RPS6KB2: variants seen among roughly 807,000 people sequenced by gnomAD.
RPS6KB2 encodes ribosomal protein S6 kinase B2.
RPS6KB2 carries 51 observed loss-of-function variants against 58.2 expected under a neutral mutation model. The observed-to-expected ratio is 0.88, with a 90% CI of 0.70 to 1.11. The LOEUF (loss-of-function observed/expected upper bound fraction) is 1.11. Among genes scored for constraint, RPS6KB2 ranks in the 50% least tolerant of loss-of-function variants. The probability of loss-of-function intolerance (pLI) is 0.00; values close to 1 mark genes in which losing one functional copy is unlikely to be tolerated. For synonymous variants in RPS6KB2, 293 were observed against 258.6 expected (o/e 1.13, Z -1.28); for missense variants, 671 against 655.8 (o/e 1.02, Z -0.25).
In RPS6KB2 at chr11:67,432,660, G is replaced by C. The variant is rs199895971; in HGVS notation, c.515+3G>C. On this transcript the variant is annotated splice_donor_region_variant and intron_variant, in intron 6 of 14. Coordinates refer to ENST00000312629, the MANE Select transcript of RPS6KB2 (RefSeq NM_003952.3). ...ATCTTCCTGGAAGATACGGCCTGGTGGGTGTTAATCCTCCGCTTTCCTGAG... is the reference window on the plus strand; with the variant it reads ...ATCTTCCTGGAAGATACGGCCTGGTCGGTGTTAATCCTCCGCTTTCCTGAG... 8 of 1,614,178 alleles carry C rather than the reference G, an allele frequency of 5.0e-6. No individual in the cohort carries two copies. The East Asian group carries it at 1.3e-4, about 27-fold the overall frequency.
rs535524303 is a variant in RPS6KB2 at position 67,435,359 on chromosome 11, C to T, written c.*190C>T. 1,215 of 628,748 alleles carry T rather than the reference C, an allele frequency of 1.9e-3. 12 individuals carry two copies. The African/African-American group carries it at 0.02, about 10-fold the overall frequency. The allele number at this position is 628,748 out of a possible 1,614,324, so 38.9% of individuals were successfully genotyped here. A position where few individuals can be genotyped will look rare whatever the true frequency, so the allele number is the denominator to read the frequency against. Reference sequence around the variant, plus strand: ...GCACGGAGGGCCGCCCGCCACGCCCCGCGCTCAACTGCTCCCGTGGAAGAT... The same window carrying T: ...GCACGGAGGGCCGCCCGCCACGCCCTGCGCTCAACTGCTCCCGTGGAAGAT... On this transcript the variant is annotated 3_prime_UTR_variant, in exon 15 of 15. Transcript: ENST00000312629.
rs762599500 is a variant in RPS6KB2 at position 67,433,159 on chromosome 11, C to G, written c.741C>G (p.Asn247Lys). 14 of 1,605,014 alleles carry G rather than the reference C, an allele frequency of 8.7e-6. No individual in the cohort carries two copies. Among genetic ancestry groups the G allele is most frequent in the Non-Finnish European group, 1.2e-5 (14 of 1,177,134 alleles). ...APEILVRSGH[N>K]RAVDWWSLGA... ...AGATTCTGGTGCGCAGTGGCCACAACCGGGCTGTGGACTGGTGGAGCCTGG... is the reference window on the plus strand; with the variant it reads ...AGATTCTGGTGCGCAGTGGCCACAAGCGGGCTGTGGACTGGTGGAGCCTGG... The change falls in exon 9 of 15, where the codon AAC becomes AAG. Residue 247 changes from asparagine (N) to lysine (K), a missense_variant. Transcript: ENST00000312629.
intron 14 of RPS6KB2, 111 bp from the exon 15 acceptor site, chr11:67,434,878 C>T: frequency 2.6e-6 from 3 of 1,150,714 alleles, no homozygotes; most frequent in South Asian, 1.4e-5. Flanking sequence ...GTTTGTGGAG[C>T]CCGCGGCCTG....
chr11:67,435,122 T>C lies in RPS6KB2; in HGVS notation c.1402T>C (p.Ser468Pro). ...TTAPLPIRPP[S>P]GTKKSKRGRG... Reference sequence around the variant, plus strand: ...CGCCCCTCTCCCCATCCGTCCCCCCTCAGGGACCAAGAAGTCCAAGAGGGG... The same window carrying C: ...CGCCCCTCTCCCCATCCGTCCCCCCCCAGGGACCAAGAAGTCCAAGAGGGG... Residue 468 changes from serine to proline, a missense_variant, in exon 15 of 15, where the codon TCA (serine) becomes CCA (proline). Coordinates refer to ENST00000312629, the MANE Select transcript of RPS6KB2 (RefSeq NM_003952.3). 6.2e-7 allele frequency: 1 copy of C among 1,603,380 alleles called. No individual in the cohort carries two copies. Among genetic ancestry groups the C allele is most frequent in the Non-Finnish European group, 8.5e-7 (1 of 1,177,920 alleles).
At chr11:67,428,905 C>A (rs1423192359) in intron 1 of RPS6KB2, 77 bp from the exon 2 acceptor site, 1 of 1,558,660 alleles carries the variant, frequency 6.4e-7, no homozygotes, top group Non-Finnish European at 8.9e-7. Context: ...CTCTCCTGGG[C>A]CACGCAGTCC....
rs1284055798 is a variant in RPS6KB2 at position 67,433,138 on chromosome 11, T to G, written c.720T>G (p.Ile240Met). Reference sequence around the variant, plus strand: ...ACCTGGACCCCAGGGCCCCTGAGATTCTGGTGCGCAGTGGCCACAACCGGG... The same window carrying G: ...ACCTGGACCCCAGGGCCCCTGAGATGCTGGTGCGCAGTGGCCACAACCGGG... ...CGTIEYMAPE[I>M]LVRSGHNRAV... The change falls in exon 9 of 15, where the codon ATT becomes ATG. Residue 240 changes from isoleucine to methionine, a missense_variant. Coordinates refer to ENST00000312629, the MANE Select transcript of RPS6KB2 (RefSeq NM_003952.3). The G allele has an allele frequency of 6.2e-7, 1 of 1,603,870 alleles. No homozygotes were observed. The highest frequency in any genetic ancestry group is 2.2e-5 in the East Asian group (1 of 44,530).
intron 5 of RPS6KB2, chr11:67,432,032 T>C: frequency 3.1e-6 from 1 of 325,208 alleles, no homozygotes; most frequent in Non-Finnish European, 6.0e-6. Flanking sequence ...AGCCCTTCTA[T>C]TCAGAGTCCT....
Position 67,432,782 on chromosome 11 carries a change from C to T in RPS6KB2, c.561C>T (p.Ser187=). 6.2e-7 allele frequency: 1 copy of T among 1,614,164 alleles called. No homozygotes were observed. The highest frequency in any genetic ancestry group is 2.2e-5 in the East Asian group (1 of 44,888). ...CGCTGGCCCTGGGCCATCTCCACTC[C>T]CAGGGCATCATCTACCGGGACCTCA... The part of the protein sequence containing the change: ...EITLALGHLH[S]QGIIYRDLKP... The change falls in exon 7 of 15, where the codon TCC becomes TCT. Residue 187 remains serine, a synonymous_variant. Coordinates refer to ENST00000312629, the MANE Select transcript of RPS6KB2 (RefSeq NM_003952.3).
At chr11:67,434,827 T>C in intron 14 of RPS6KB2, 133 bp downstream of exon 14, 1 of 985,738 alleles carries the variant, frequency 1.0e-6, no homozygotes, top group Non-Finnish European at 1.5e-6. Context: ...CATGGGGACC[T>C]CAGTTCCTAC....
In RPS6KB2 at chr11:67,431,505, G is replaced by A; in HGVS notation, c.447G>A (p.Glu149=). ...GTGGCAAACTCTACCTCATCCTTGAGTGCCTCAGTGGTATGAGTGCGGGCC... is the reference window on the plus strand; with the variant it reads ...GTGGCAAACTCTACCTCATCCTTGAATGCCTCAGTGGTATGAGTGCGGGCC... ...QTGGKLYLIL[E]CLSGGELFTH... Residue 149 remains glutamate (E), a synonymous_variant, in exon 5 of 15, where the codon GAG becomes GAA. Transcript: ENST00000312629. 1 of 1,613,986 alleles carries A rather than the reference G, an allele frequency of 6.2e-7. No individual in the cohort carries two copies. Among genetic ancestry groups the A allele is most frequent in the Non-Finnish European group, 8.5e-7 (1 of 1,179,978 alleles).
At position 67,434,426 on chromosome 11, in the gene RPS6KB2, C is replaced by T. The variant is rs200633410; in HGVS notation, c.1097C>T (p.Thr366Met). The change falls in exon 13 of 15, where the codon ACG becomes ATG. Residue 366 changes from threonine to methionine, a missense_variant. Transcript: ENST00000312629. ...SQFDTRFTRQ[T>M]PVDSPDDTAL... is the part of the protein sequence containing the mutation. ...TTTGATACCCGCTTCACACGGCAGA[C>T]GCCGGTGGACAGTCCTGATGACACA... 57 of 1,612,978 alleles carry T rather than the reference C, an allele frequency of 3.5e-5. No individual in the cohort carries two copies. Among genetic ancestry groups the T allele is most frequent in the Admixed American group, 2.0e-4 (12 of 60,012 alleles).
chr11:67,431,964 C>G (rs933025057), intron 5 of RPS6KB2: 4 of 267,968 alleles, frequency 1.5e-5, no homozygotes, highest in African/African-American at 8.9e-5. Flanking sequence ...TCCCGCTCAC[C>G]TGCTTTCTAG....
In RPS6KB2 at chr11:67,435,271, G is replaced by A; in HGVS notation, c.*102G>A. On this transcript the variant is annotated 3_prime_UTR_variant, in exon 15 of 15. Coordinates refer to ENST00000312629, the MANE Select transcript of RPS6KB2 (RefSeq NM_003952.3). The stretch of plus-strand genomic sequence containing the variant: ...CCAGAGACCTGGGGGTGTGTCTGGG[G>A]GTGGGGTGTGAGTGCGTATGAAAGT... 1 of 1,106,602 alleles carries A rather than the reference G, an allele frequency of 9.0e-7. No individual in the cohort carries two copies. The highest frequency in any genetic ancestry group is 1.3e-6 in the Non-Finnish European group (1 of 798,594). 68.5% of individuals were successfully genotyped at this position (1,106,602 alleles called of 1,614,324 possible). A position where few individuals can be genotyped will look rare whatever the true frequency, so the allele number is the denominator to read the frequency against.
chr11:67,435,312 C>A lies in RPS6KB2; in HGVS notation c.*143C>A. ...GTATGAAAGTGTGTGTCTGCTGGGG[C>A]AGCTGTGCCCCTGAATCATGGGCAC... On this transcript the variant is annotated 3_prime_UTR_variant, in exon 15 of 15. Transcript: ENST00000312629. The A allele has an allele frequency of 1.2e-6, 1 of 814,346 alleles. No individual in the cohort carries two copies. The highest frequency in any genetic ancestry group is 1.9e-6 in the Non-Finnish European group (1 of 537,022). 50.4% of individuals were successfully genotyped at this position (814,346 alleles called of 1,614,324 possible). A position where few individuals can be genotyped will look rare whatever the true frequency, so the allele number is the denominator to read the frequency against.
chr11:67,434,652 G>A lies in RPS6KB2; in HGVS notation c.1226G>A (p.Arg409His), dbSNP rs569000234. Residue 409 changes from arginine to histidine, a missense_variant, in exon 14 of 15, where the codon CGC becomes CAC. By Grantham distance (29) the Arg-to-His change is conservative (BLOSUM62 0). Transcript: ENST00000312629. ...GGCTTCTCCTTCCAGCCCAAGCTGC[G>A]CTCACCCAGGCGCCTCAACAGTAGC... ...KEGFSFQPKL[R>H]SPRRLNSSPR... 1.6e-5 allele frequency: 25 copies of A among 1,610,470 alleles called. No homozygotes were observed. The Admixed American group carries it at 3.5e-4, about 23-fold the overall frequency.
Position 67,432,972 on chromosome 11 carries a change from T to C in RPS6KB2, c.637T>C (p.Phe213Leu), listed in dbSNP as rs1446954531. 1 of 1,613,362 alleles carries C rather than the reference T, an allele frequency of 6.2e-7. No homozygotes were observed. Among genetic ancestry groups the C allele is most frequent in the Non-Finnish European group, 8.5e-7 (1 of 1,180,022 alleles). Residue 213 changes from phenylalanine to leucine, a missense_variant, in exon 8 of 15, where the codon TTT (phenylalanine) becomes CTT (leucine). Transcript: ENST00000312629. ...SSQGHIKLTD[F>L]GLCKESIHEG... Reference sequence around the variant, plus strand: ...CTCAGGCCACATCAAACTGACCGACTTTGGACTCTGCAAGGAGTCTATCCA... The same window carrying C: ...CTCAGGCCACATCAAACTGACCGACCTTGGACTCTGCAAGGAGTCTATCCA...
In RPS6KB2 at chr11:67,434,574, C is replaced by G. The variant is rs778674533; in HGVS notation, c.1156-8C>G. 2 of 1,597,420 alleles carry G rather than the reference C, an allele frequency of 1.3e-6. No individual in the cohort carries two copies. Among genetic ancestry groups the G allele is most frequent in the African/African-American group, 2.7e-5 (2 of 74,598 alleles). Reference sequence around the variant, plus strand: ...TGAGTGTCGCATGGCCCTGCCTCCGCCCCCCAGGGCTTCACATACGTGGCG... The same window carrying G: ...TGAGTGTCGCATGGCCCTGCCTCCGGCCCCCAGGGCTTCACATACGTGGCG... On this transcript the variant is annotated splice_polypyrimidine_tract_variant and splice_region_variant and intron_variant, in intron 13 of 14. Coordinates refer to ENST00000312629, the MANE Select transcript of RPS6KB2 (RefSeq NM_003952.3).
At position 67,433,497 on chromosome 11, in the gene RPS6KB2, T is replaced by A. The variant is rs756802976; in HGVS notation, c.906+50T>A. 10 of 1,390,438 alleles carry A rather than the reference T, an allele frequency of 7.2e-6. No individual in the cohort carries two copies. In the East Asian group the frequency reaches 2.3e-4, roughly 32 times the overall value. The allele number at this position is 1,390,438 out of a possible 1,614,324, so 86.1% of individuals were successfully genotyped here. ...GGGGCCCTGCCAGCCATTCTGCACG[T>A]GTTCCTGAGTCTCTCTGGGCTGTGG... On this transcript the variant is annotated intron_variant, in intron 10 of 14. Coordinates refer to ENST00000312629, the MANE Select transcript of RPS6KB2 (RefSeq NM_003952.3).
Position 67,434,227 on chromosome 11 carries a change from G to A in RPS6KB2, c.999G>A (p.Trp333Ter), listed in dbSNP as rs756322035. The A allele has an allele frequency of 1.9e-6, 3 of 1,613,994 alleles. No individual in the cohort carries two copies. Among genetic ancestry groups the A allele is most frequent in the South Asian group, 1.1e-5 (1 of 91,088 alleles). Residue 333 changes from tryptophan to a stop codon, truncating the protein, a stop_gained, in exon 12 of 15, where the codon TGG (tryptophan) becomes TGA (stop). Transcript: ENST00000312629. LOFTEE classifies it high-confidence loss of function. ...QRHPFFRHMN[W>*]DDLLAWRVDP... is the part of the protein sequence containing the mutation. ...ATCCCTTTTTCCGGCACATGAATTG[G>A]GACGACCTTCTGGCCTGGCGTGTGG... is the stretch of plus-strand genomic sequence containing the variant.
Sources: allele counts gnomAD v4.1 joint callset, GRCh38; gene constraint gnomAD v4.1.1; transcripts MANE v1.5; gene names NCBI Gene and HGNC (gene_info 2026-07-23, HGNC 2026-07-21).